PNPLA7: variants seen among roughly 807,000 people sequenced by gnomAD.
The protein encoded by PNPLA7 is patatin-like phospholipase domain-containing protein 7.
PNPLA7 carries 153 observed loss-of-function variants against 161.7 expected under a neutral mutation model. That is an observed-to-expected ratio of 0.95 (90% confidence interval 0.83 to 1.08). PNPLA7 has a LOEUF of 1.08. Ranked by LOEUF, PNPLA7 falls within the 50% of genes least tolerant of loss-of-function variation. The pLI is 0.00. For synonymous variants in PNPLA7, 809 were observed against 782.1 expected (o/e 1.03, Z -0.57); for missense variants, 1,739 against 1,856.6 (o/e 0.94, Z 1.16).
chr9:137,517,477 C>T (rs1834665619), intron 11 of PNPLA7, among the ~76,000 whole-genome samples: 1 of 44,648 alleles, frequency 2.2e-5, no homozygotes, highest in Non-Finnish European at 4.6e-5. Context: ...CTCCATCCCC[C>T]GTCACTCACT....
At chr9:137,483,402 C>G (rs963898586) in intron 21 of PNPLA7, among the ~76,000 whole-genome samples, 1 of 152,234 alleles carries the variant, frequency 6.6e-6, no homozygotes, top group Non-Finnish European at 1.5e-5. Flanking sequence ...TCAAGGCCAT[C>G]AGACAAGGCA....
chr9:137,508,594 A>G (rs1292972907), intron 12 of PNPLA7, among the ~76,000 whole-genome samples: 1 of 152,144 alleles, frequency 6.6e-6, no homozygotes, highest in Non-Finnish European at 1.5e-5. Flanking sequence ...GAAAAAGAAA[A>G]AAGAAAAGGA....
At chr9:137,474,067 C>T (rs1222516553) in intron 25 of PNPLA7, among the ~76,000 whole-genome samples, 5 of 152,042 alleles carry the variant, frequency 3.3e-5, no homozygotes, top group South Asian at 4.2e-4. Flanking sequence ...GGTGAAAGCC[C>T]GTCTCTATTA....
chr9:137,464,302 A>G lies in PNPLA7; in HGVS notation c.3156+38T>C, dbSNP rs535896798. The stretch of plus-strand genomic sequence containing the variant: ...GGTGGGGGGCCAGGAGGGGACAGGC[A>G]CTGGGGGCTGCATGGGCTCCTGAGG... On this transcript the variant is annotated intron_variant, in intron 27 of 34. Coordinates refer to ENST00000406427, the MANE Select transcript of PNPLA7 (RefSeq NM_001098537.3). 437 of 1,606,044 alleles carry G rather than the reference A, an allele frequency of 2.7e-4. 7 individuals carry two copies. In the South Asian group the frequency reaches 4.6e-3, roughly 17 times the overall value.
chr9:137,479,384 C>T (rs1832096246), intron 23 of PNPLA7, 146 bp from the exon 24 acceptor site: 5 of 1,345,644 alleles, frequency 3.7e-6, no homozygotes, highest in African/African-American at 1.5e-5. Context: ...GTGGCCTGGT[C>T]TGCCTTGGCG....
rs373523735 is a variant in PNPLA7 at position 137,524,771 on chromosome 9, G to A, written c.748-1914C>T. On this transcript the variant is annotated intron_variant, in intron 8 of 34. Coordinates refer to ENST00000406427, the MANE Select transcript of PNPLA7 (RefSeq NM_001098537.3). This position sits in a 1 kb window ranked among gnomAD's most constrained non-coding sequence, Gnocchi z 4.4. ...TGGATGCCCCGTGGAATGAGTTTCCGTGGATGCCCCGTGGAATGGGTTTCC... is the reference window on the plus strand; with the variant it reads ...TGGATGCCCCGTGGAATGAGTTTCCATGGATGCCCCGTGGAATGGGTTTCC... Among the ~76,000 whole-genome samples the A allele has an allele frequency of 4.0e-5, 6 of 151,418 alleles. No homozygotes were observed. Among genetic ancestry groups the A allele is most frequent in the Admixed American group, 2.0e-4 (3 of 15,214 alleles).
At position 137,501,721 on chromosome 9, in the gene PNPLA7, A is replaced by G. The variant is rs772734062; in HGVS notation, c.1480T>C (p.Ser494Pro). 6.2e-7 allele frequency: 1 copy of G among 1,612,510 alleles called. No individual in the cohort carries two copies. The highest frequency in any genetic ancestry group is 8.5e-7 in the Non-Finnish European group (1 of 1,179,800). The change falls in exon 15 of 35, where the codon TCT (serine) becomes CCT (proline). Residue 494 changes from serine (S) to proline (P), a missense_variant. Physicochemically the swap from Ser to Pro is moderately conservative, Grantham distance 74. Coordinates refer to ENST00000406427, the MANE Select transcript of PNPLA7 (RefSeq NM_001098537.3). Reference protein sequence around the residue: ...LLTLMKLEDSSLLDGRVALLH... With the variant: ...LLTLMKLEDSPLLDGRVALLH... ...AGCGCCACCCGGCCATCCAACAGAG[A>G]TGAGTCCTAAAAACAGAGCAGACTT... is the stretch of plus-strand genomic sequence containing the variant.
rs775120728 is a variant in PNPLA7, at chr9:137,462,173, A to C, written c.3645+6T>G. On this transcript the variant is annotated splice_donor_region_variant and intron_variant, in intron 31 of 34. Coordinates refer to ENST00000406427, the MANE Select transcript of PNPLA7 (RefSeq NM_001098537.3). The stretch of plus-strand genomic sequence containing the variant: ...GCCTCCGCCGCCGCGGGTGGCCGGC[A>C]CTCACGCAGATCTCGTTGAACTTGC... The C allele has an allele frequency of 2.6e-6, 4 of 1,558,838 alleles. No homozygotes were observed. The East Asian group carries it at 9.1e-5, about 35-fold the overall frequency.
At chr9:137,491,783 G>A (rs1383151484) in intron 20 of PNPLA7, 27 of 985,316 alleles carry the variant, frequency 2.7e-5, no homozygotes, top group East Asian at 1.1e-4. Context: ...GAACACAGAC[G>A]CAGGCTCCTG....
Position 137,522,743 on chromosome 9 carries a change from C to A in PNPLA7, c.862G>T (p.Val288Leu), listed in dbSNP as rs1835092893. ...AAGTGACTCACCTGCACCACCCTCA[C>A]CAGAGTTTCCGGATATTTCTCAAAA... ...GVFEKYPETL[V>L]RVVQIIMVRL... Residue 288 changes from valine (V) to leucine (L), a missense_variant, in exon 9 of 35, where the codon GTG becomes TTG. By Grantham distance (32) the Val-to-Leu change is conservative. Around this residue, in one of 6 missense-constraint regions of PNPLA7, gnomAD observed 152 missense variants for 193.5 expected, o/e 0.79. Coordinates refer to ENST00000406427, the MANE Select transcript of PNPLA7 (RefSeq NM_001098537.3). The A allele has an allele frequency of 1.2e-6, 2 of 1,613,526 alleles. No individual in the cohort carries two copies. The highest frequency in any genetic ancestry group is 1.3e-5 in the African/African-American group (1 of 74,928).
intron 11 of PNPLA7, 37 bp downstream of exon 11, chr9:137,519,880 G>A: frequency 6.3e-7 from 1 of 1,589,856 alleles, no homozygotes; most frequent in Non-Finnish European, 8.6e-7. Context: ...CCCGGACTCT[G>A]GGGCTGGACA....
rs1836217737 is a variant in PNPLA7 at position 137,541,762 on chromosome 9, G to A, written c.666+880C>T. Among the ~76,000 whole-genome samples, 1 of 152,112 alleles carries A rather than the reference G, an allele frequency of 6.6e-6. No homozygotes were observed. Among genetic ancestry groups the A allele is most frequent in the African/African-American group, 2.4e-5 (1 of 41,414 alleles). ...AACAGAGGCAGGAAACAAGTATTGA[G>A]CTCCTACGTGGATTCACACCCGAAT... On this transcript the variant is annotated intron_variant, in intron 7 of 34. Transcript: ENST00000406427. This position sits in a 1 kb window ranked among gnomAD's most constrained non-coding sequence, Gnocchi z 4.4.
In PNPLA7 at chr9:137,480,984, C is replaced by A; in HGVS notation, c.2387G>T (p.Arg796Leu). ...CCTGTCCAGGGCAGCGGAGCCAAGGCGCCGTTTTATGTTGTCACTAGTCAG... is the reference window on the plus strand; with the variant it reads ...CCTGTCCAGGGCAGCGGAGCCAAGGAGCCGTTTTATGTTGTCACTAGTCAG... ...LLLTSDNIKR[R>L]LGSAALDSVH... The change falls in exon 22 of 35, where the codon CGC becomes CTC. Residue 796 changes from arginine (R) to leucine (L), a missense_variant. Arg to Leu is a moderately radical substitution (Grantham distance 102). This residue lies in a region of PNPLA7 where 192 missense variants were observed against 249.5 expected (regional missense o/e 0.77). Coordinates refer to ENST00000406427, the MANE Select transcript of PNPLA7 (RefSeq NM_001098537.3). 1 of 1,551,608 alleles carries A rather than the reference C, an allele frequency of 6.4e-7. No homozygotes were observed. Among genetic ancestry groups the A allele is most frequent in the Non-Finnish European group, 8.7e-7 (1 of 1,146,966 alleles).
At chr9:137,549,502 A>G (rs1178410740) in intron 1 of PNPLA7, among the ~76,000 whole-genome samples, 2 of 149,908 alleles carry the variant, frequency 1.3e-5, no homozygotes, top group African/African-American at 2.5e-5. Context: ...CCTGGGAGGC[A>G]GAGCTTGCAG....
intron 8 of PNPLA7, among the ~76,000 whole-genome samples, chr9:137,527,664 T>C (rs1183357193): frequency 3.3e-5 from 5 of 152,204 alleles, no homozygotes; most frequent in African/African-American, 1.2e-4. Context: ...TAATATTTCA[T>C]TGAGGATATG....
intron 12 of PNPLA7, among the ~76,000 whole-genome samples, chr9:137,512,291 C>T (rs1308291732): frequency 6.6e-6 from 1 of 152,264 alleles, no homozygotes; most frequent in Non-Finnish European, 1.5e-5. Context: ...TGCACCACCA[C>T]GAGAAGGTGG....
Position 137,520,751 on chromosome 9 carries a change from C to T in PNPLA7, c.958-708G>A, listed in dbSNP as rs1274913581. Among the ~76,000 whole-genome samples, 5 of 152,232 alleles carry T rather than the reference C, an allele frequency of 3.3e-5. No individual in the cohort carries two copies. The highest frequency in any genetic ancestry group is 7.3e-5 in the Non-Finnish European group (5 of 68,042). ...GGCCAAGTGCCTCCCAGGGTCACACCGCCAGGAGGAGGGAGAGCCGGGGTT... is the reference window on the plus strand; with the variant it reads ...GGCCAAGTGCCTCCCAGGGTCACACTGCCAGGAGGAGGGAGAGCCGGGGTT... On this transcript the variant is annotated intron_variant, in intron 10 of 34. Transcript: ENST00000406427. This position sits in a 1 kb window ranked among gnomAD's most constrained non-coding sequence, Gnocchi z 5.2.
chr9:137,516,988 A>G (rs76545475), intron 11 of PNPLA7, among the ~76,000 whole-genome samples: 1 of 115,486 alleles, frequency 8.7e-6, no homozygotes, highest in Non-Finnish European at 1.8e-5. Flanking sequence ...TCACTCACTC[A>G]ACTCTGTCCA....
At chr9:137,502,431 C>G (rs192637774) in intron 14 of PNPLA7, among the ~76,000 whole-genome samples, 12 of 151,016 alleles carry the variant, frequency 7.9e-5, no homozygotes, top group South Asian at 4.2e-4. Context: ...CAGCTCCCCC[C>G]CAAAAGAGAA....
Sources: gnomAD v4.1 joint callset for allele counts (sites outside exome capture counted in the v4.1 genomes callset) on GRCh38, gnomAD v4.1.1 for gene constraint, gnomAD v4.1.1 regional missense constraint, Gnocchi (gnomAD v3.1) non-coding constraint, MANE v1.5 for transcripts, NCBI Gene and HGNC (gene_info 2026-07-23, HGNC 2026-07-21) for gene names.